The following DOCK1 variants were observed in gnomAD, a reference collection of about 807,000 sequenced individuals.
DOCK1 encodes dedicator of cytokinesis 1, also known as dedicator of cytokinesis protein 1.
In DOCK1, 138 loss-of-function variants were observed where a neutral mutation model predicts 262.7. The observed-to-expected ratio is 0.53, with a 90% CI of 0.46 to 0.61. The LOEUF is 0.61. Ranked by LOEUF, DOCK1 falls within the 20% of genes least tolerant of loss-of-function variation. DOCK1 has a pLI of 0.00. For synonymous variants in DOCK1, 866 were observed against 867.4 expected, an observed-to-expected ratio of 1.00 and a Z score of 0.03; for missense variants, 1,908 against 2,370.7, an observed-to-expected ratio of 0.80 and a Z score of 4.05.
At chr10:127,108,034 T>C (rs1233174070) in intron 24 of DOCK1, among the ~76,000 whole-genome samples, 2 of 152,256 alleles carry the variant, frequency 1.3e-5, no homozygotes, top group Admixed American at 6.5e-5. Context: ...AAGACCTGCT[T>C]GGCCAGGGCC....
At chr10:127,408,787 A>G (rs1449229540) in intron 40 of DOCK1, among the ~76,000 whole-genome samples, 2 of 152,238 alleles carry the variant, frequency 1.3e-5, no homozygotes, top group Non-Finnish European at 2.9e-5. Context: ...AGATGAAAAC[A>G]TATCACAGAT....
chr10:127,160,152 G>A (rs1589699992), intron 27 of DOCK1, among the ~76,000 whole-genome samples: 3 of 146,192 alleles, frequency 2.1e-5, no homozygotes, highest in South Asian at 2.1e-4. Flanking sequence ...AAAAAAAAAA[G>A]TCTCTCACTG....
At chr10:127,151,031 A>AT (rs2052436960) in intron 27 of DOCK1, among the ~76,000 whole-genome samples, 1 of 152,184 alleles carries the variant, frequency 6.6e-6, no homozygotes, top group Non-Finnish European at 1.5e-5. Flanking sequence ...GTACGTGTCA[A>AT]TTTTTTATGA....
intron 16 of DOCK1, among the ~76,000 whole-genome samples, chr10:127,031,354 G>C (rs2043227379): frequency 6.6e-6 from 1 of 152,034 alleles, no homozygotes; most frequent in African/African-American, 2.4e-5. Flanking sequence ...TGCTCTTCTT[G>C]GCCCTTTATC....
chr10:127,121,174 C>T (rs1460860575), intron 25 of DOCK1, among the ~76,000 whole-genome samples: 7 of 151,898 alleles, frequency 4.6e-5, no homozygotes, highest in African/African-American at 1.7e-4. Flanking sequence ...GTGTTTGTTC[C>T]AGAGTATTCA....
chr10:127,023,337 G>C lies in DOCK1; in HGVS notation c.1452+13G>C, dbSNP rs376833669. 53 of 1,613,558 alleles carry C rather than the reference G, an allele frequency of 3.3e-5. No individual in the cohort carries two copies. The African/African-American group carries it at 6.5e-4, about 20-fold the overall frequency. The stretch of plus-strand genomic sequence containing the variant: ...GAAACGATTAGAGGTATTTATTGTG[G>C]CGAGGGCTCATCTGTAGTGTTTCAG... On this transcript the variant is annotated intron_variant, in intron 14 of 51. Transcript: ENST00000623213.
intron 31 of DOCK1, among the ~76,000 whole-genome samples, chr10:127,350,446 C>A (rs866464431): frequency 2.9e-4 from 44 of 152,166 alleles, no homozygotes; most frequent in African/African-American, 1.0e-3. Context: ...TCCCTACCCT[C>A]TTCGTCCAGA....
At chr10:127,340,203 G>A (rs2063370876) in intron 30 of DOCK1, among the ~76,000 whole-genome samples, 1 of 152,064 alleles carries the variant, frequency 6.6e-6, no homozygotes, top group Non-Finnish European at 1.5e-5. Context: ...CTGAATGCCT[G>A]TTTTCATATG....
intron 29 of DOCK1, among the ~76,000 whole-genome samples, chr10:127,304,627 T>C (rs1335699914): frequency 6.6e-6 from 1 of 152,212 alleles, no homozygotes; most frequent in Non-Finnish European, 1.5e-5. Flanking sequence ...GGCTCATGCC[T>C]GTAATCTTAG....
At chr10:127,278,327 A>G (rs571870490) in intron 29 of DOCK1, among the ~76,000 whole-genome samples, 1 of 152,176 alleles carries the variant, frequency 6.6e-6, no homozygotes, top group Non-Finnish European at 1.5e-5. Flanking sequence ...GCAGCCACTC[A>G]TTAACTGTTT....
chr10:127,278,487 C>A (rs1033435130), intron 29 of DOCK1, among the ~76,000 whole-genome samples: 1 of 152,176 alleles, frequency 6.6e-6, no homozygotes, highest in Non-Finnish European at 1.5e-5. Context: ...TCCAGCTAAT[C>A]TCTCTCATCC....
intron 31 of DOCK1, among the ~76,000 whole-genome samples, chr10:127,352,797 T>G (rs1223706301): frequency 6.6e-6 from 1 of 152,148 alleles, no homozygotes; most frequent in Non-Finnish European, 1.5e-5. Context: ...TTCACCATGT[T>G]GGCCAGGCTG....
At chr10:126,987,777 G>A (rs2039514278) in intron 5 of DOCK1, among the ~76,000 whole-genome samples, 160 bp downstream of exon 5, 1 of 152,174 alleles carries the variant, frequency 6.6e-6, no homozygotes, top group Non-Finnish European at 1.5e-5. Flanking sequence ...ACATGGCTGA[G>A]AGTTTAGCCC....
chr10:127,370,366 G>A (rs2065142240), intron 33 of DOCK1, among the ~76,000 whole-genome samples: 1 of 152,138 alleles, frequency 6.6e-6, no homozygotes, highest in African/African-American at 2.4e-5. Flanking sequence ...TCAAGGCGGT[G>A]AGTGGTCTGT....
At position 127,447,428 on chromosome 10, in the gene DOCK1, G is replaced by A; in HGVS notation, c.5448G>A (p.Val1816=). The A allele has an allele frequency of 1.2e-6, 2 of 1,613,240 alleles. No individual in the cohort carries two copies. The highest frequency in any genetic ancestry group is 1.7e-5 in the Admixed American group (1 of 59,948). ...LELNGMTGAD[V]ADVPPPLPLK... ...TGAACGGCATGACGGGGGCGGACGTGGCCGATGTCCCACCCCCTCTGCCTC... is the reference window on the plus strand; with the variant it reads ...TGAACGGCATGACGGGGGCGGACGTAGCCGATGTCCCACCCCCTCTGCCTC... The change falls in exon 51 of 52, where the codon GTG becomes GTA. Residue 1816 remains valine (V), a synonymous_variant. Coordinates refer to ENST00000623213, the MANE Select transcript of DOCK1 (RefSeq NM_001290223.2).
Position 127,384,924 on chromosome 10 carries a change from G to T in DOCK1, c.3927+15G>T, listed in dbSNP as rs1211006286. The T allele has an allele frequency of 6.4e-7, 1 of 1,573,452 alleles. No individual in the cohort carries two copies. The highest frequency in any genetic ancestry group is 1.2e-5 in the South Asian group (1 of 83,138). On this transcript the variant is annotated intron_variant, in intron 38 of 51. Transcript: ENST00000623213. ...ACAAAGGCAAGGTAAAACACAAAAA[G>T]CAATTGTCCTTGTTTTCCTCTTTCC...
At chr10:127,276,191 T>C (rs1426925691) in intron 29 of DOCK1, among the ~76,000 whole-genome samples, 1 of 152,232 alleles carries the variant, frequency 6.6e-6, no homozygotes, top group African/African-American at 2.4e-5. Context: ...GCTTGCGTCA[T>C]GGCTGGGTGG....
At chr10:127,221,060 T>C (rs1050213891) in intron 27 of DOCK1, among the ~76,000 whole-genome samples, 1 of 152,240 alleles carries the variant, frequency 6.6e-6, no homozygotes, top group African/African-American at 2.4e-5. Context: ...TTGGTCCATG[T>C]TTAGCTTTGT....
At chr10:127,119,034 A>G (rs1564816367) in intron 25 of DOCK1, among the ~76,000 whole-genome samples, 1 of 138,686 alleles carries the variant, frequency 7.2e-6, no homozygotes, top group Non-Finnish European at 1.5e-5. Context: ...TGGGGGCTCC[A>G]GCTGAGGAAT....
Sources: allele counts gnomAD v4.1 joint callset (sites outside exome capture counted in the v4.1 genomes callset), GRCh38; gene constraint gnomAD v4.1.1; transcripts MANE v1.5; gene names NCBI Gene and HGNC (gene_info 2026-07-23, HGNC 2026-07-21).